Variants in RXFP1 observed in about 807,000 individuals in gnomAD.
The protein encoded by RXFP1 is relaxin family peptide receptor 1.
Under a neutral mutation model 89.8 loss-of-function variants are expected in RXFP1, and 73 were observed. The observed-to-expected ratio is 0.81, with a 90% CI of 0.67 to 0.99. The LOEUF is 0.99. Among genes scored for constraint, RXFP1 ranks in the 50% least tolerant of loss-of-function variants. RXFP1 has a pLI of 0.00. For synonymous variants in RXFP1, 277 were observed against 305.5 expected, an observed-to-expected ratio of 0.91 and a Z score of 0.97; for missense variants, 793 against 895.5, an observed-to-expected ratio of 0.89 and a Z score of 1.46.
At chr4:158,586,273 C>T (rs1758289199) in intron 2 of RXFP1, among the ~76,000 whole-genome samples, 1 of 152,182 alleles carries the variant, frequency 6.6e-6, no homozygotes, top group Non-Finnish European at 1.5e-5. Flanking sequence ...ATTTAGTAAG[C>T]TCATGCAGCA....
At chr4:158,610,638 G>A (rs1271474216) in intron 6 of RXFP1, 1 of 1,279,616 alleles carries the variant, frequency 7.8e-7, no homozygotes, top group South Asian at 1.2e-5. Flanking sequence ...CTCAGGTCCA[G>A]AGCAGTAAAG....
chr4:158,607,227 G>A, intron 5 of RXFP1: 1 of 861,240 alleles, frequency 1.2e-6, no homozygotes, highest in Non-Finnish European at 1.9e-6. Flanking sequence ...GTTAACTCAA[G>A]GTCGTATTTT....
intron 14 of RXFP1, among the ~76,000 whole-genome samples, chr4:158,641,119 A>T (rs922450055): frequency 6.6e-6 from 1 of 152,230 alleles, no homozygotes; most frequent in African/African-American, 2.4e-5. Context: ...TTTGTTTTCC[A>T]TAGTTCCTCA....
intron 2 of RXFP1, among the ~76,000 whole-genome samples, chr4:158,575,548 C>T (rs964699161): frequency 6.6e-6 from 1 of 152,048 alleles, no homozygotes; most frequent in African/African-American, 2.4e-5. Flanking sequence ...ATTAGGAATA[C>T]GTGAGGTCAT....
At chr4:158,606,184 A>C (rs575788439) in intron 5 of RXFP1, among the ~76,000 whole-genome samples, 38 of 152,252 alleles carry the variant, frequency 2.5e-4, no homozygotes, top group Non-Finnish European at 4.8e-4. Context: ...CTGGAGACTG[A>C]AGAATTTTTC....
intron 12 of RXFP1, among the ~76,000 whole-genome samples, chr4:158,637,483 A>T (rs777675898): frequency 3.0e-4 from 46 of 152,176 alleles, no homozygotes; most frequent in Non-Finnish European, 6.0e-4. Context: ...TTCTCTGATG[A>T]TTAGTGATGT....
intron 1 of RXFP1, among the ~76,000 whole-genome samples, chr4:158,564,801 T>G (rs1018506151): frequency 6.6e-6 from 1 of 152,234 alleles, no homozygotes; most frequent in African/African-American, 2.4e-5. Context: ...TTCTATTGAT[T>G]TGTGTTATTG....
intron 6 of RXFP1, 29 bp from the exon 7 acceptor site, chr4:158,612,101 A>T: frequency 6.5e-7 from 1 of 1,533,590 alleles, no homozygotes; most frequent in African/African-American, 1.4e-5. Context: ...AAATATACAA[A>T]TTTATTGTAG....
At chr4:158,595,716 G>T (rs948582393) in intron 3 of RXFP1, among the ~76,000 whole-genome samples, 1 of 152,112 alleles carries the variant, frequency 6.6e-6, no homozygotes, top group African/African-American at 2.4e-5. Context: ...CTACTCAAAT[G>T]AGGTTAATCA....
At chr4:158,553,979 G>T (rs944046257) in intron 1 of RXFP1, among the ~76,000 whole-genome samples, 2 of 152,050 alleles carry the variant, frequency 1.3e-5, no homozygotes, top group African/African-American at 2.4e-5. Flanking sequence ...TGACATTTTT[G>T]GACAGATAAA....
At chr4:158,540,519 A>G (rs1746352360) in intron 1 of RXFP1, among the ~76,000 whole-genome samples, 2 of 151,582 alleles carry the variant, frequency 1.3e-5, no homozygotes, top group Admixed American at 1.3e-4. Flanking sequence ...CTGTACCGCA[A>G]CCTGTTTTAT....
chr4:158,530,419 C>G (rs1035034869), intron 1 of RXFP1, among the ~76,000 whole-genome samples: 3 of 152,232 alleles, frequency 2.0e-5, no homozygotes, highest in Admixed American at 2.0e-4. Context: ...GTTGCTCACC[C>G]TAGCCTTTTG....
intron 1 of RXFP1, among the ~76,000 whole-genome samples, chr4:158,561,858 C>G (rs949542635): frequency 6.6e-6 from 1 of 152,000 alleles, no homozygotes; most frequent in South Asian, 2.1e-4. Context: ...GAACTCCTGA[C>G]CTCAAGTGAT....
At chr4:158,566,526 G>A (rs1753589072) in intron 1 of RXFP1, among the ~76,000 whole-genome samples, 1 of 152,048 alleles carries the variant, frequency 6.6e-6, no homozygotes, top group South Asian at 2.1e-4. Flanking sequence ...ATCACACCCA[G>A]CTAACCTTTT....
intron 10 of RXFP1, among the ~76,000 whole-genome samples, chr4:158,627,194 G>T (rs2150186508): frequency 6.6e-6 from 1 of 152,202 alleles, no homozygotes; most frequent in East Asian, 1.9e-4. Flanking sequence ...GATAAACCTT[G>T]AAGTGTTAAT....
chr4:158,612,228 T>C (rs752230695), intron 7 of RXFP1, 27 bp downstream of exon 7: 1 of 1,605,228 alleles, frequency 6.2e-7, no homozygotes, highest in Middle Eastern at 1.7e-4. Flanking sequence ...TGGCATTTTA[T>C]TGCACTAGTT....
At chr4:158,631,859 G>A (rs143360971) in intron 11 of RXFP1, among the ~76,000 whole-genome samples, 1 of 152,308 alleles carries the variant, frequency 6.6e-6, no homozygotes, top group Non-Finnish European at 1.5e-5. Flanking sequence ...TTGGGAGGCT[G>A]AGACGGGATG....
Position 158,652,139 on chromosome 4 carries a change from A to T in RXFP1, c.*84A>T, listed in dbSNP as rs1341547251. The T allele has an allele frequency of 9.0e-7, 1 of 1,107,728 alleles. No individual in the cohort carries two copies. The allele number at this position is 1,107,728 out of a possible 1,614,324, so 68.6% of individuals were successfully genotyped here. A position where few individuals can be genotyped will look rare whatever the true frequency, so the allele number is the denominator to read the frequency against. ...TACTGGTATGAAATGAATACCACAA[A>T]ATTAATTTATAATAATAGCTAAGAT... On this transcript the variant is annotated 3_prime_UTR_variant, in exon 18 of 18. Transcript: ENST00000307765.
Position 158,647,144 on chromosome 4 carries a change from C to T in RXFP1, c.1699C>T (p.His567Tyr), listed in dbSNP as rs752501375. 1.9e-6 allele frequency: 3 copies of T among 1,612,446 alleles called. No homozygotes were observed. The East Asian group carries it at 6.7e-5, about 36-fold the overall frequency. Residue 567 changes from histidine (H) to tyrosine (Y), a missense_variant, in exon 16 of 18, where the codon CAT becomes TAT. Coordinates refer to ENST00000307765, the MANE Select transcript of RXFP1 (RefSeq NM_021634.4). ...YGTNGVCFPLHSEDTESIGAQ... is the reference protein window; with the variant it reads ...YGTNGVCFPLYSEDTESIGAQ... ...CACCAATGGAGTATGCTTCCCTCTT[C>T]ATTCAGAAGATACAGAAAGTATTGG...
Sources: gnomAD v4.1 joint callset for allele counts (sites outside exome capture counted in the v4.1 genomes callset) on GRCh38, gnomAD v4.1.1 for gene constraint, MANE v1.5 for transcripts, NCBI Gene and HGNC (gene_info 2026-07-23, HGNC 2026-07-21) for gene names.